Variants in CNRIP1 observed in about 807,000 individuals in gnomAD.
CNRIP1 encodes CB1 cannabinoid receptor-interacting protein 1.
CNRIP1 carries 10 observed loss-of-function variants against 15.2 expected under a neutral mutation model. The observed-to-expected ratio is 0.66, with a 90% CI of 0.41 to 1.12. The LOEUF is 1.12. Among genes scored for constraint, CNRIP1 ranks in the 50% most tolerant of loss-of-function variants. The pLI, the probability that CNRIP1 is intolerant of heterozygous loss-of-function variation, is 0.00. For missense variants in CNRIP1, 211 were observed against 214.7 expected, an observed-to-expected ratio of 0.98 and a Z score of 0.11; for synonymous variants, 91 against 83.2, an observed-to-expected ratio of 1.09 and a Z score of -0.51.
At chr2:68,289,421 T>G (rs1237145079), downstream of CNRIP1, among the ~76,000 whole-genome samples, 3 of 152,188 alleles carry the variant, frequency 2.0e-5, no homozygotes, top group Non-Finnish European at 4.4e-5. Flanking sequence ...TTTTTTAAAC[T>G]CCTTTAGTTT....
At chr2:68,307,136 A>T (rs1671883013) in intron 2 of CNRIP1, among the ~76,000 whole-genome samples, 1 of 152,214 alleles carries the variant, frequency 6.6e-6, no homozygotes, top group South Asian at 2.1e-4. Context: ...AATTGTATAT[A>T]TTGTCTAACT....
At chr2:68,296,564 A>ATGTGTGTGTGTGTG (rs140524601) in intron 2 of CNRIP1, among the ~76,000 whole-genome samples, 170 of 151,124 alleles carry the variant, frequency 1.1e-3, no homozygotes, top group Middle Eastern at 3.4e-3. Context: ...ATATATGTGT[A>ATGTGTGTGTGTGTG]TGTGTGTGTG....
At chr2:68,311,775 C>CGG (rs70949698) in intron 2 of CNRIP1, among the ~76,000 whole-genome samples, 29 of 93,148 alleles carry the variant, frequency 3.1e-4, no homozygotes, top group Non-Finnish European at 5.2e-4. Flanking sequence ...ACTCCATCTC[C>CGG]GGGGAAAAAA....
At chr2:68,294,713 A>G (rs1671284583) in intron 2 of CNRIP1, among the ~76,000 whole-genome samples, 1 of 152,230 alleles carries the variant, frequency 6.6e-6, no homozygotes, top group East Asian at 1.9e-4. Context: ...GTTAAAGGCC[A>G]TATTTTAACT....
At chr2:68,301,210 C>A (rs961285002) in intron 2 of CNRIP1, among the ~76,000 whole-genome samples, 6 of 152,030 alleles carry the variant, frequency 3.9e-5, no homozygotes, top group African/African-American at 1.4e-4. Flanking sequence ...ATATCAAAAC[C>A]AACAGGGATT....
chr2:68,317,040 T>G (rs1672297773), intron 2 of CNRIP1, 117 bp downstream of exon 2: 1 of 1,261,668 alleles, frequency 7.9e-7, no homozygotes, highest in Non-Finnish European at 1.2e-6. Flanking sequence ...ACAACTCAAT[T>G]TCCACAGTAA....
At chr2:68,318,679 C>T (rs1396675153) in intron 1 of CNRIP1, among the ~76,000 whole-genome samples, 1 of 152,206 alleles carries the variant, frequency 6.6e-6, no homozygotes, top group Non-Finnish European at 1.5e-5. Flanking sequence ...GCTGCTCCAC[C>T]CCAGGGTCCC....
chr2:68,284,369 A>T, exon 3 of CNRIP1: 1 of 1,116,600 alleles, frequency 9.0e-7, no homozygotes, highest in Non-Finnish European at 1.2e-6. Context: ...AAAGCAAATA[A>T]TTTGGAAAAA....
At chr2:68,315,968 C>T (rs1444066892) in intron 2 of CNRIP1, 2 of 152,204 alleles carry the variant, frequency 1.3e-5, no homozygotes, top group Non-Finnish European at 2.9e-5. Context: ...TTCTCTCTTG[C>T]AGGAATTATA....
intron 2 of CNRIP1, among the ~76,000 whole-genome samples, chr2:68,312,490 A>G (rs1558668913): frequency 6.6e-6 from 1 of 152,224 alleles, no homozygotes; most frequent in Non-Finnish European, 1.5e-5. Flanking sequence ...TTTACAATAA[A>G]GAACCTTACA....
chr2:68,317,718 T>C (rs1038360648), intron 1 of CNRIP1, among the ~76,000 whole-genome samples: 3 of 152,180 alleles, frequency 2.0e-5, no homozygotes, highest in Non-Finnish European at 4.4e-5. Flanking sequence ...CATTCTTTTG[T>C]GTTAGGATAA....
chr2:68,305,899 C>G (rs765738468), intron 2 of CNRIP1, among the ~76,000 whole-genome samples: 71 of 150,834 alleles, frequency 4.7e-4, no homozygotes, highest in Non-Finnish European at 1.6e-4. Context: ...GAGGCCGAGA[C>G]AGGAGAACCA....
At chr2:68,305,962 C>G (rs937777869) in intron 2 of CNRIP1, among the ~76,000 whole-genome samples, 1 of 150,976 alleles carries the variant, frequency 6.6e-6, no homozygotes, top group Non-Finnish European at 1.5e-5. Context: ...GACCTTGTCT[C>G]TACTAAATAT....
Position 68,310,503 on chromosome 2 carries a change from T to C in CNRIP1, c.330+6654A>G, listed in dbSNP as rs116856059. ...AGCAGCAACTGGAAGTTATAAAAACTGAGCAAAGAGATCAGCTGCTGCATA... is the reference window on the plus strand; with the variant it reads ...AGCAGCAACTGGAAGTTATAAAAACCGAGCAAAGAGATCAGCTGCTGCATA... On this transcript the variant is annotated intron_variant, in intron 2 of 2. Coordinates refer to ENST00000263655, the MANE Select transcript of CNRIP1 (RefSeq NM_015463.3). Among the ~76,000 whole-genome samples the C allele has an allele frequency of 4.6e-3, 702 of 152,240 alleles. 31 individuals carry two copies. The East Asian group carries it at 0.097, about 21-fold the overall frequency.
At chr2:68,303,228 A>C (rs947569845) in intron 2 of CNRIP1, among the ~76,000 whole-genome samples, 2 of 152,218 alleles carry the variant, frequency 1.3e-5, no homozygotes, top group African/African-American at 4.8e-5. Context: ...ATATGTCATC[A>C]GAGTTGAAAG....
At chr2:68,305,036 G>A (rs113102749) in intron 2 of CNRIP1, among the ~76,000 whole-genome samples, 72 of 151,836 alleles carry the variant, frequency 4.7e-4, no homozygotes, top group African/African-American at 1.6e-3. Flanking sequence ...CCTGAGGTTC[G>A]GAGTTTGAGA....
At chr2:68,316,319 G>C (rs1573039346) in intron 2 of CNRIP1, 2 of 152,118 alleles carry the variant, frequency 1.3e-5, no homozygotes, top group African/African-American at 2.4e-5. Context: ...AGATTCTCAC[G>C]CATACCGATA....
At chr2:68,292,401 T>C (rs1327720724), downstream of CNRIP1, among the ~76,000 whole-genome samples, 1 of 152,178 alleles carries the variant, frequency 6.6e-6, no homozygotes, top group Non-Finnish European at 1.5e-5. Flanking sequence ...GCCTTTCAAA[T>C]TCAGTTCTAC....
intron 2 of CNRIP1, among the ~76,000 whole-genome samples, chr2:68,294,705 T>C (rs1322980194): frequency 1.3e-5 from 2 of 152,204 alleles, no homozygotes; most frequent in Non-Finnish European, 2.9e-5. Context: ...TTGGAAGTGT[T>C]AAAGGCCATA....
Sources: allele counts gnomAD v4.1 joint callset (sites outside exome capture counted in the v4.1 genomes callset), GRCh38; gene constraint gnomAD v4.1.1; transcripts MANE v1.5; gene names NCBI Gene and HGNC (gene_info 2026-07-23, HGNC 2026-07-21).